The following EHBP1 variants were observed in gnomAD, a reference collection of about 807,000 sequenced individuals.
EHBP1 encodes EH domain binding protein 1.
A neutral mutation model predicts 144.0 loss-of-function variants in EHBP1; 55 were observed. The observed-to-expected ratio is 0.38, with a 90% confidence interval of 0.31 to 0.48. EHBP1 has a LOEUF of 0.48. EHBP1 is among the 20% of genes least tolerant of loss of function. The pLI, the probability that EHBP1 is intolerant of heterozygous loss-of-function variation, is 0.98. For synonymous variants in EHBP1, 469 were observed against 472.7 expected (o/e 0.99, Z 0.10); for missense variants, 1,200 against 1,364.2 (o/e 0.88, Z 1.90).
chr2:62,759,084 T>C (rs2040546151), intron 3 of EHBP1, among the ~76,000 whole-genome samples: 1 of 152,184 alleles, frequency 6.6e-6, no homozygotes, highest in Admixed American at 6.5e-5. Flanking sequence ...TGAGACAGTT[T>C]ATAGAGTCAC....
intron 5 of EHBP1, among the ~76,000 whole-genome samples, chr2:62,775,470 T>C (rs1197062962): frequency 1.3e-5 from 2 of 152,216 alleles, no homozygotes; most frequent in African/African-American, 4.8e-5. Context: ...TGAAAAGGTA[T>C]GCTCTTTGAA....
intron 10 of EHBP1, among the ~76,000 whole-genome samples, chr2:62,891,049 G>A (rs1026535129): frequency 2.6e-5 from 4 of 151,330 alleles, no homozygotes; most frequent in East Asian, 1.9e-4. Context: ...ATGGAGGCAC[G>A]CACCTGTAAT....
intron 14 of EHBP1, 37 bp from the exon 15 acceptor site, chr2:62,979,151 T>C (rs190388997): frequency 6.0e-5 from 95 of 1,574,462 alleles, no homozygotes; most frequent in Admixed American, 4.0e-4. Context: ...TGCATTTCTG[T>C]CAATTACTGA....
chr2:62,766,415 C>G (rs1459997007), intron 4 of EHBP1, among the ~76,000 whole-genome samples: 2 of 152,128 alleles, frequency 1.3e-5, no homozygotes, highest in South Asian at 4.1e-4. Context: ...TAAGATGTTT[C>G]TCTTTGAGAA....
At chr2:63,036,325 A>G (rs544235153) in intron 19 of EHBP1, among the ~76,000 whole-genome samples, 10 of 152,196 alleles carry the variant, frequency 6.6e-5, no homozygotes, top group Non-Finnish European at 8.8e-5. Context: ...ATGTGTCTAT[A>G]GATACAGTAT....
chr2:63,041,671 T>C (rs576610872), intron 21 of EHBP1, among the ~76,000 whole-genome samples: 1 of 152,324 alleles, frequency 6.6e-6, no homozygotes, highest in South Asian at 2.1e-4. Context: ...CTTCCATAGA[T>C]TGATTAGGTA....
chr2:62,738,297 C>T (rs547069111), intron 2 of EHBP1, among the ~76,000 whole-genome samples: 10 of 152,252 alleles, frequency 6.6e-5, no homozygotes, highest in Non-Finnish European at 1.0e-4. Context: ...GGTCAGAATT[C>T]ATTGTGACTT....
intron 2 of EHBP1, among the ~76,000 whole-genome samples, chr2:62,718,744 A>G (rs757616492): frequency 6.6e-6 from 1 of 152,212 alleles, no homozygotes; most frequent in Non-Finnish European, 1.5e-5. Context: ...GGTACTCCAG[A>G]AAGTGTTTAT....
intron 3 of EHBP1, among the ~76,000 whole-genome samples, chr2:62,756,413 G>A (rs1030989949): frequency 6.6e-6 from 1 of 152,140 alleles, no homozygotes; most frequent in Non-Finnish European, 1.5e-5. Flanking sequence ...GATTTCTCTT[G>A]AAACACAGAT....
intron 3 of EHBP1, among the ~76,000 whole-genome samples, chr2:62,758,723 A>G (rs961443495): frequency 1.3e-5 from 2 of 151,820 alleles, no homozygotes; most frequent in African/African-American, 4.8e-5. Context: ...ATCCTCACCA[A>G]TTTTTTTTCA....
intron 1 of EHBP1, among the ~76,000 whole-genome samples, chr2:62,693,209 T>C (rs1007636156): frequency 6.6e-6 from 1 of 152,212 alleles, no homozygotes; most frequent in African/African-American, 2.4e-5. Flanking sequence ...TTTTTATGGC[T>C]GAATAGTACT....
intron 2 of EHBP1, among the ~76,000 whole-genome samples, chr2:62,722,225 G>GGGT (rs1467776324): frequency 6.6e-6 from 1 of 151,710 alleles, no homozygotes; most frequent in Non-Finnish European, 1.5e-5. Context: ...TCTGCCTCCT[G>GGGT]GGTTCAGGCG....
At chr2:62,952,469 C>G (rs1351560582) in intron 13 of EHBP1, among the ~76,000 whole-genome samples, 1 of 152,122 alleles carries the variant, frequency 6.6e-6, no homozygotes, top group African/African-American at 2.4e-5. Context: ...ATAATAGTAA[C>G]TCTTACAATT....
chr2:63,030,395 C>CTATA (rs749844821), intron 19 of EHBP1, among the ~76,000 whole-genome samples: 2 of 149,422 alleles, frequency 1.3e-5, no homozygotes, highest in Admixed American at 6.8e-5. Flanking sequence ...TAATATTTAG[C>CTATA]TATATATATA....
intron 19 of EHBP1, among the ~76,000 whole-genome samples, chr2:63,033,134 T>C (rs939905072): frequency 5.3e-5 from 8 of 152,230 alleles, no homozygotes; most frequent in African/African-American, 1.9e-4. Flanking sequence ...TTGGAGTTAA[T>C]GTCTACATGA....
intron 12 of EHBP1, among the ~76,000 whole-genome samples, chr2:62,947,926 G>C (rs911274934): frequency 1.3e-5 from 2 of 152,124 alleles, no homozygotes; most frequent in African/African-American, 4.8e-5. Context: ...GAGGTTGATA[G>C]AAATGATAAA....
chr2:62,739,935 G>GAAA (rs66665657), intron 2 of EHBP1, among the ~76,000 whole-genome samples: 3 of 97,124 alleles, frequency 3.1e-5, no homozygotes, highest in East Asian at 6.4e-4. Flanking sequence ...GCCTGTCTCA[G>GAAA]AAAAAAAAAA....
At chr2:62,988,164 T>G in intron 15 of EHBP1, 1 of 593,042 alleles carries the variant, frequency 1.7e-6, no homozygotes, top group Non-Finnish European at 2.9e-6. Context: ...TCATAAACCA[T>G]TTAGCTTAGT....
In EHBP1 at chr2:62,852,878, A is replaced by G. The variant is rs559541325; in HGVS notation, c.635-6291A>G. ...TTACCTTGAGTCAGAGTACGATTTA[A>G]AACTATTGGCAAAACAAGATGGAAG... On this transcript the variant is annotated intron_variant, in intron 7 of 22. Coordinates refer to ENST00000431489, the MANE Select transcript of EHBP1 (RefSeq NM_001142616.3). 5.3e-5 allele frequency among the ~76,000 whole-genome samples: 8 copies of G among 152,280 alleles called. No individual in the cohort carries two copies. The East Asian group carries it at 1.5e-3, about 29-fold the overall frequency.
Sources: allele counts gnomAD v4.1 joint callset (sites outside exome capture counted in the v4.1 genomes callset), GRCh38; gene constraint gnomAD v4.1.1; transcripts MANE v1.5; gene names NCBI Gene and HGNC (gene_info 2026-07-23, HGNC 2026-07-21).